PDE10A: variants seen among roughly 807,000 people sequenced by gnomAD.
PDE10A encodes phosphodiesterase 10A, also known as cAMP and cAMP-inhibited cGMP 3',5'-cyclic phosphodiesterase 10A.
In PDE10A, 39 loss-of-function variants were observed where a neutral mutation model predicts 97.7. The observed-to-expected ratio is 0.40, with a 90% confidence interval of 0.31 to 0.52. PDE10A has a LOEUF of 0.52. Among genes scored for constraint, PDE10A ranks in the 20% least tolerant of loss-of-function variants. The probability of loss-of-function intolerance (pLI) is 0.56; values close to 1 mark genes in which losing one functional copy is unlikely to be tolerated. For synonymous variants in PDE10A, 371 were observed against 376.8 expected (o/e 0.98, Z 0.18); for missense variants, 731 against 1,047.8 (o/e 0.70, Z 4.17).
At chr6:165,705,260 A>G (rs538712913) in intron 1 of PDE10A, among the ~76,000 whole-genome samples, 1 of 152,314 alleles carries the variant, frequency 6.6e-6, no homozygotes, top group South Asian at 2.1e-4. Flanking sequence ...AGCTGGCTAG[A>G]TTGCTTAAAT....
intron 1 of PDE10A, among the ~76,000 whole-genome samples, chr6:165,725,366 C>A (rs1324438897): frequency 6.6e-6 from 1 of 152,208 alleles, no homozygotes; most frequent in Non-Finnish European, 1.5e-5. Context: ...GCTTTGGAAG[C>A]TGTACACACT....
At chr6:165,677,019 T>C (rs1038570657) in intron 1 of PDE10A, among the ~76,000 whole-genome samples, 2 of 152,264 alleles carry the variant, frequency 1.3e-5, no homozygotes, top group African/African-American at 4.8e-5. Context: ...GCTTGAATGA[T>C]TCACTTCCTT....
chr6:165,344,156 T>C lies in PDE10A; in HGVS notation c.2784-654A>G, dbSNP rs1031920068. Among the ~76,000 whole-genome samples the C allele has an allele frequency of 2.0e-5, 3 of 152,056 alleles. No individual in the cohort carries two copies. In the East Asian group the frequency reaches 5.8e-4, roughly 29 times the overall value. The stretch of plus-strand genomic sequence containing the variant: ...CTTGCATTCATAACTAGGTGCTCCA[T>C]GTCTGACTTTATTTTCTAAATATGG... On this transcript the variant is annotated intron_variant, in intron 18 of 21. Coordinates refer to ENST00000539869, the MANE Select transcript of PDE10A (RefSeq NM_001385079.1).
chr6:165,588,749 A>C (rs1476329485), intron 1 of PDE10A, among the ~76,000 whole-genome samples: 1 of 152,192 alleles, frequency 6.6e-6, no homozygotes, highest in African/African-American at 2.4e-5. Flanking sequence ...CAGTGAAGAA[A>C]ACATGGGTTC....
chr6:165,740,543 G>A (rs147708232), intron 1 of PDE10A, among the ~76,000 whole-genome samples: 2 of 151,978 alleles, frequency 1.3e-5, no homozygotes, highest in African/African-American at 2.4e-5. Context: ...CTGTGTTAGC[G>A]AGGATAATCT....
intron 1 of PDE10A, among the ~76,000 whole-genome samples, chr6:165,726,817 C>T (rs924069382): frequency 1.3e-5 from 2 of 152,246 alleles, no homozygotes; most frequent in Admixed American, 6.5e-5. Flanking sequence ...CTTAACCAGC[C>T]CAGTTGCCGA....
intron 1 of PDE10A, among the ~76,000 whole-genome samples, chr6:165,841,131 A>G (rs570286948): frequency 6.6e-6 from 1 of 152,314 alleles, no homozygotes; most frequent in African/African-American, 2.4e-5. Flanking sequence ...TCGTCTCTTC[A>G]ATTTACTTTT....
At chr6:165,895,958 G>T (rs546265206) in intron 1 of PDE10A, among the ~76,000 whole-genome samples, 2 of 152,198 alleles carry the variant, frequency 1.3e-5, no homozygotes, top group African/African-American at 4.8e-5. Context: ...ACAGAAACAA[G>T]CATGGTGTGC....
rs190814943 is a variant in PDE10A, at chr6:165,418,101, G to A, written c.1796+534C>T. Reference sequence around the variant, plus strand: ...CCATTCTGTTCATTTAAGTGACAACGGCTGCCACTTAAAAAAACAAAGACT... The same window carrying A: ...CCATTCTGTTCATTTAAGTGACAACAGCTGCCACTTAAAAAAACAAAGACT... On this transcript the variant is annotated intron_variant, in intron 11 of 21. Coordinates refer to ENST00000539869, the MANE Select transcript of PDE10A (RefSeq NM_001385079.1). The surrounding 1 kb of genome is among the most constrained non-coding windows in gnomAD (Gnocchi z 4.8). 3.3e-5 allele frequency among the ~76,000 whole-genome samples: 5 copies of A among 152,140 alleles called. No individual in the cohort carries two copies. Among genetic ancestry groups the A allele is most frequent in the Non-Finnish European group, 1.5e-5 (1 of 68,006 alleles).
chr6:165,659,449 T>C (rs989836280), intron 1 of PDE10A, among the ~76,000 whole-genome samples: 2 of 152,204 alleles, frequency 1.3e-5, no homozygotes, highest in Admixed American at 6.5e-5. Context: ...ACCAGTGGCT[T>C]GTCAGGCAGC....
intron 1 of PDE10A, among the ~76,000 whole-genome samples, chr6:165,669,198 T>A (rs1345581989): frequency 2.6e-5 from 4 of 152,214 alleles, no homozygotes; most frequent in African/African-American, 9.6e-5. Flanking sequence ...AGCCAAAAGA[T>A]GAGCGACCTT....
At position 165,662,340 on chromosome 6, in the gene PDE10A, C is replaced by T; in HGVS notation, c.472G>A (p.Gly158Ser). 6.1e-6 allele frequency: 1 copy of T among 163,584 alleles called. No homozygotes were observed. Among genetic ancestry groups the T allele is most frequent in the South Asian group, 1.6e-4 (1 of 6,450 alleles). 10.1% of individuals were successfully genotyped at this position (163,584 alleles called of 1,614,324 possible). A position where few individuals can be genotyped will look rare whatever the true frequency, so the allele number is the denominator to read the frequency against. The change falls in exon 1 of 22, where the codon GGC (glycine) becomes AGC (serine). Residue 158 changes from glycine to serine, a missense_variant. By Grantham distance (56) the Gly-to-Ser change is moderately conservative (BLOSUM62 0). Around this residue, in one of 8 missense-constraint regions of PDE10A, gnomAD observed 181 missense variants for 159.1 expected, o/e 1.14. Coordinates refer to ENST00000539869, the MANE Select transcript of PDE10A (RefSeq NM_001385079.1). ...CCTCCTCCTCCTCCGCCAGCATCGC[C>T]GCCTCCTCCCGCCGCCGCCGCCGCC... The part of the protein sequence containing the change: ...AAAAAAAGGG[G>S]DAGGGGGGGQ...
chr6:165,765,582 CG>C (rs1042235660), intron 1 of PDE10A, among the ~76,000 whole-genome samples: 1 of 152,206 alleles, frequency 6.6e-6, no homozygotes, highest in Non-Finnish European at 1.5e-5. Flanking sequence ...GCTCCGAGTG[CG>C]GGGCCCGCCA....
intron 10 of PDE10A, among the ~76,000 whole-genome samples, chr6:165,426,367 A>G (rs1789168864): frequency 6.6e-6 from 1 of 152,206 alleles, no homozygotes; most frequent in Non-Finnish European, 1.5e-5. Flanking sequence ...TCCAGCGTCC[A>G]GAAAGAAAAT....
At chr6:165,765,547 C>A (rs1190174355) in intron 1 of PDE10A, among the ~76,000 whole-genome samples, 1 of 152,250 alleles carries the variant, frequency 6.6e-6, no homozygotes, top group Non-Finnish European at 1.5e-5. Flanking sequence ...CCCTCATTGC[C>A]TGGGGCCGGC....
chr6:165,740,472 A>G (rs1437001634), intron 1 of PDE10A, among the ~76,000 whole-genome samples: 1 of 152,128 alleles, frequency 6.6e-6, no homozygotes, highest in Non-Finnish European at 1.5e-5. Context: ...CTGGGACTAC[A>G]GGTATGTGCC....
In PDE10A at chr6:165,837,921, G is replaced by A. The variant is rs111552993; in HGVS notation, c.-615+149608C>T. Among the ~76,000 whole-genome samples the A allele has an allele frequency of 2.1e-3, 311 of 149,768 alleles. 1 individual carries two copies. Among genetic ancestry groups the A allele is most frequent in the Non-Finnish European group, 3.3e-3 (222 of 67,098 alleles). On this transcript the variant is annotated intron_variant, in intron 1 of 19. Coordinates refer to the PDE10A transcript ENST00000366882. ...AGGATGGTCTCGATCTCCTGACCTC[G>A]TGATCCGCCTGCCTCGGCCTCCCAA... is the stretch of plus-strand genomic sequence containing the variant.
intron 1 of PDE10A, among the ~76,000 whole-genome samples, chr6:165,875,548 C>G (rs1781309344): frequency 6.6e-6 from 1 of 152,072 alleles, no homozygotes; most frequent in African/African-American, 2.4e-5. Flanking sequence ...AAGACAAAAC[C>G]ATTGATTTTA....
intron 1 of PDE10A, among the ~76,000 whole-genome samples, chr6:165,566,015 G>A (rs1188074960): frequency 6.6e-6 from 1 of 152,100 alleles, no homozygotes; most frequent in Non-Finnish European, 1.5e-5. Flanking sequence ...AGATGAACCT[G>A]GGCATGTCAT....
Sources: gnomAD v4.1 joint callset for allele counts (sites outside exome capture counted in the v4.1 genomes callset) on GRCh38, gnomAD v4.1.1 for gene constraint, gnomAD v4.1.1 regional missense constraint, Gnocchi (gnomAD v3.1) non-coding constraint, MANE v1.5 for transcripts, NCBI Gene and HGNC (gene_info 2026-07-23, HGNC 2026-07-21) for gene names.